Variants in KIF26B observed in about 807,000 individuals in gnomAD.
KIF26B encodes the protein kinesin-like protein KIF26B.
KIF26B carries 63 observed loss-of-function variants against 151.2 expected under a neutral mutation model. The observed-to-expected ratio is 0.42, with a 90% confidence interval of 0.34 to 0.51. The LOEUF is 0.51. Among genes scored for constraint, KIF26B ranks in the 20% least tolerant of loss-of-function variants. KIF26B has a pLI of 0.07. For missense variants in KIF26B, 2,813 were observed against 2,913.6 expected (o/e 0.97, Z 0.79); for synonymous variants, 1,357 against 1,262.1 (o/e 1.08, Z -1.59).
chr1:245,642,453 C>T (rs777175721), intron 9 of KIF26B, among the ~76,000 whole-genome samples: 5 of 149,450 alleles, frequency 3.3e-5, no homozygotes, highest in South Asian at 2.2e-4. Flanking sequence ...CCTAGCTACT[C>T]GGGAGGCTGA....
chr1:245,269,726 G>T (rs369140779), intron 2 of KIF26B, among the ~76,000 whole-genome samples: 2 of 152,156 alleles, frequency 1.3e-5, no homozygotes, highest in Middle Eastern at 3.4e-3. Flanking sequence ...GCCTCCCAAA[G>T]TGCTGGGATT....
intron 3 of KIF26B, among the ~76,000 whole-genome samples, chr1:245,387,025 A>G (rs958020734): frequency 6.6e-6 from 1 of 152,350 alleles, no homozygotes; most frequent in Admixed American, 6.5e-5. Flanking sequence ...TCCCCTGCGC[A>G]TCTGAAAGAA....
chr1:245,549,584 A>G (rs1416259789), intron 5 of KIF26B, among the ~76,000 whole-genome samples: 1 of 152,224 alleles, frequency 6.6e-6, no homozygotes, highest in African/African-American at 2.4e-5. Flanking sequence ...TGGGATCGAT[A>G]GAAATATTTT....
chr1:245,552,214 T>C (rs1661903756), intron 5 of KIF26B, among the ~76,000 whole-genome samples: 2 of 150,896 alleles, frequency 1.3e-5, no homozygotes, highest in African/African-American at 4.9e-5. Flanking sequence ...ACTGGACTCC[T>C]GTGACTGTGG....
At chr1:245,695,162 T>C (rs878925479) in intron 12 of KIF26B, among the ~76,000 whole-genome samples, 1 of 152,180 alleles carries the variant, frequency 6.6e-6, no homozygotes, top group African/African-American at 2.4e-5. Flanking sequence ...TGCTGGAGCA[T>C]GCAGAAAATC....
Position 245,609,524 on chromosome 1 carries a change from C to A in KIF26B, c.1910C>A (p.Thr637Lys). ...VYLCEDPICGTQLQNQSELRA... is the reference protein window; with the variant it reads ...VYLCEDPICGKQLQNQSELRA... ...CTCTGTGAGGACCCCATCTGCGGCACGCAGGTGATTGCTTCTGAAGCCTGG... is the reference window on the plus strand; with the variant it reads ...CTCTGTGAGGACCCCATCTGCGGCAAGCAGGTGATTGCTTCTGAAGCCTGG... The change falls in exon 8 of 15, where the codon ACG (threonine) becomes AAG (lysine). Residue 637 changes from threonine (T) to lysine (K), a missense_variant. Around this residue, in one of 3 missense-constraint regions of KIF26B, gnomAD observed 2,060 missense variants for 2,088.6 expected, o/e 0.99. Transcript: ENST00000407071. The A allele has an allele frequency of 2.6e-6, 4 of 1,540,752 alleles. No individual in the cohort carries two copies. In the South Asian group the frequency reaches 3.9e-5, roughly 15 times the overall value.
intron 2 of KIF26B, among the ~76,000 whole-genome samples, chr1:245,238,768 AG>A (rs1473524153): frequency 6.6e-6 from 1 of 152,140 alleles, no homozygotes; most frequent in African/African-American, 2.4e-5. Flanking sequence ...AGGCTGAGGC[AG>A]GAGAATTGCT....
At chr1:245,451,109 ATTTC>A (rs1281982197) in intron 4 of KIF26B, among the ~76,000 whole-genome samples, 2 of 150,548 alleles carry the variant, frequency 1.3e-5, no homozygotes, top group Non-Finnish European at 3.0e-5. Flanking sequence ...TACCTCATTT[ATTTC>A]TACTTCTAGT....
At chr1:245,368,942 C>T (rs1572027254) in intron 3 of KIF26B, among the ~76,000 whole-genome samples, 1 of 152,034 alleles carries the variant, frequency 6.6e-6, no homozygotes, top group Admixed American at 6.6e-5. Flanking sequence ...GAAGACCAGC[C>T]TGGGCATCCT....
In KIF26B at chr1:245,415,497, C is replaced by G. The variant is rs769322120; in HGVS notation, c.1000-4082C>G. Among the ~76,000 whole-genome samples the G allele has an allele frequency of 1.3e-3, 200 of 152,146 alleles. 2 individuals carry two copies. The highest frequency in any genetic ancestry group is 6.3e-4 in the Non-Finnish European group (43 of 67,996). ...GAAGTTATCCATCCAACTCAGCACT[C>G]CAAAGACCTGCATACCAGTGTATGC... On this transcript the variant is annotated intron_variant, in intron 3 of 14. Transcript: ENST00000407071.
intron 10 of KIF26B, among the ~76,000 whole-genome samples, chr1:245,664,278 G>A (rs938509783): frequency 1.3e-5 from 2 of 151,080 alleles, no homozygotes; most frequent in African/African-American, 4.9e-5. Flanking sequence ...AGAATCGCTT[G>A]AACCCGGGAG....
intron 5 of KIF26B, among the ~76,000 whole-genome samples, chr1:245,544,878 C>A (rs1326879997): frequency 2.0e-5 from 3 of 152,174 alleles, no homozygotes; most frequent in Non-Finnish European, 1.5e-5. Flanking sequence ...CCTTCCCACT[C>A]CCTGCTGTTT....
chr1:245,394,612 G>C (rs1401666918), intron 3 of KIF26B, among the ~76,000 whole-genome samples: 2 of 151,332 alleles, frequency 1.3e-5, no homozygotes, highest in Admixed American at 1.3e-4. Context: ...AGCAGAGCAA[G>C]ACTCTGTCTC....
intron 5 of KIF26B, among the ~76,000 whole-genome samples, chr1:245,581,125 A>C (rs1184781783): frequency 6.6e-6 from 1 of 152,246 alleles, no homozygotes; most frequent in African/African-American, 2.4e-5. Flanking sequence ...CTAAAAGGCA[A>C]GTTCCACACA....
chr1:245,435,004 C>T (rs1658871419), intron 4 of KIF26B, among the ~76,000 whole-genome samples: 1 of 149,838 alleles, frequency 6.7e-6, no homozygotes, highest in South Asian at 2.1e-4. Flanking sequence ...TCCATCCATC[C>T]ATCCATCCAT....
At chr1:245,545,892 T>C (rs1661731189) in intron 5 of KIF26B, among the ~76,000 whole-genome samples, 1 of 152,272 alleles carries the variant, frequency 6.6e-6, no homozygotes, top group Non-Finnish European at 1.5e-5. Context: ...CAGAGCTTTC[T>C]GTCTTGGATT....
chr1:245,524,793 C>G (rs534547276), intron 4 of KIF26B, among the ~76,000 whole-genome samples: 8 of 151,998 alleles, frequency 5.3e-5, no homozygotes, highest in South Asian at 2.1e-4. Context: ...ATAGCCGAGG[C>G]CCCCCTTATC....
intron 5 of KIF26B, among the ~76,000 whole-genome samples, chr1:245,586,738 T>C (rs2043229357): frequency 6.7e-6 from 1 of 149,236 alleles, no homozygotes; most frequent in East Asian, 2.0e-4. Context: ...TACAAAAAAT[T>C]AGCCGGGCGC....
At chr1:245,581,571 G>A (rs879797809) in intron 5 of KIF26B, among the ~76,000 whole-genome samples, 1 of 152,132 alleles carries the variant, frequency 6.6e-6, no homozygotes, top group Non-Finnish European at 1.5e-5. Context: ...GGCTAACTGG[G>A]ATATGGGTCT....
Sources: allele counts gnomAD v4.1 joint callset (sites outside exome capture counted in the v4.1 genomes callset), GRCh38; gene constraint gnomAD v4.1.1; regional missense constraint gnomAD v4.1.1; transcripts MANE v1.5; gene names NCBI Gene and HGNC (gene_info 2026-07-23, HGNC 2026-07-21).